HDAC9: variants seen among roughly 807,000 people sequenced by gnomAD.
The protein encoded by HDAC9 is histone deacetylase 9, also known as MEF-2 interacting transcription repressor (MITR) protein.
Under a neutral mutation model 139.4 loss-of-function variants are expected in HDAC9, and 41 were observed. The observed-to-expected ratio is 0.29, with a 90% CI of 0.23 to 0.38. The LOEUF is 0.38. HDAC9 is among the 10% of genes least tolerant of loss of function. HDAC9 has a pLI of 1.00. For missense variants in HDAC9, 1,147 were observed against 1,297.0 expected (o/e 0.88, Z 1.78); for synonymous variants, 517 against 476.2 (o/e 1.09, Z -1.12).
intron 6 of HDAC9, among the ~76,000 whole-genome samples, chr7:18,597,818 C>T (rs1256973035): frequency 1.3e-5 from 2 of 152,108 alleles, no homozygotes; most frequent in Non-Finnish European, 2.9e-5. Context: ...TCTTAAAGTG[C>T]ACAAGCCATG....
At chr7:18,218,225 C>T (rs1386440803) in intron 2 of HDAC9, among the ~76,000 whole-genome samples, 1 of 152,124 alleles carries the variant, frequency 6.6e-6, no homozygotes, top group Non-Finnish European at 1.5e-5. Flanking sequence ...GGGCGGATCA[C>T]TTGAGGCCAG....
At chr7:18,692,168 C>G (rs1267544481) in intron 12 of HDAC9, among the ~76,000 whole-genome samples, 2 of 152,056 alleles carry the variant, frequency 1.3e-5, no homozygotes, top group African/African-American at 4.8e-5. Context: ...CTTAAGAATA[C>G]TCAGAAGGAA....
At chr7:18,531,011 A>T (rs1479267409) in intron 2 of HDAC9, among the ~76,000 whole-genome samples, 1 of 151,960 alleles carries the variant, frequency 6.6e-6, no homozygotes, top group Admixed American at 6.6e-5. Flanking sequence ...TTTTACTCGT[A>T]TGCTTCTAGT....
chr7:18,180,226 T>C (rs2108517), intron 2 of HDAC9, among the ~76,000 whole-genome samples: 1,976 of 120,440 alleles, frequency 0.016, 59 homozygotes, highest in African/African-American at 0.038. Flanking sequence ...CCAAGACACA[T>C]ACACACACAC....
At chr7:18,528,367 T>C (rs112829221) in intron 2 of HDAC9, among the ~76,000 whole-genome samples, 2,722 of 151,810 alleles carry the variant, frequency 0.018, 98 homozygotes, top group African/African-American at 0.062. Flanking sequence ...ACAAATAACA[T>C]TTTATATAAG....
At chr7:18,480,275 G>A (rs1392334374) in intron 1 of HDAC9, among the ~76,000 whole-genome samples, 3 of 152,254 alleles carry the variant, frequency 2.0e-5, no homozygotes, top group African/African-American at 4.8e-5. Context: ...AGGATAACAT[G>A]CCCCAGATTA....
intron 22 of HDAC9, among the ~76,000 whole-genome samples, chr7:18,905,528 T>G (rs1802155305): frequency 6.6e-6 from 1 of 152,216 alleles, no homozygotes. Context: ...CTTAATAACT[T>G]TATGTTAAAG....
chr7:18,598,811 C>A (rs1040580586), intron 6 of HDAC9, among the ~76,000 whole-genome samples: 1 of 152,208 alleles, frequency 6.6e-6, no homozygotes, highest in African/African-American at 2.4e-5. Context: ...ATGGGCAACT[C>A]ACAAGGCTAC....
intron 22 of HDAC9, among the ~76,000 whole-genome samples, chr7:18,919,974 A>C (rs1375572818): frequency 6.6e-6 from 1 of 152,096 alleles, no homozygotes; most frequent in African/African-American, 2.4e-5. Flanking sequence ...TGACTTGGCA[A>C]TGCGGGCTCT....
At chr7:18,262,058 A>T (rs1795716971) in intron 2 of HDAC9, among the ~76,000 whole-genome samples, 2 of 152,340 alleles carry the variant, frequency 1.3e-5, no homozygotes, top group South Asian at 4.1e-4. Context: ...ATCAACAAGG[A>T]CCATTTGAAC....
At chr7:18,581,911 G>A (rs575664172) in intron 2 of HDAC9, among the ~76,000 whole-genome samples, 1 of 152,198 alleles carries the variant, frequency 6.6e-6, no homozygotes, top group African/African-American at 2.4e-5. Context: ...CCAAACTATA[G>A]TTCATTTATA....
intron 1 of HDAC9, among the ~76,000 whole-genome samples, chr7:18,376,158 G>A (rs1464739967): frequency 6.6e-6 from 1 of 152,020 alleles, no homozygotes; most frequent in Non-Finnish European, 1.5e-5. Context: ...AGAGATACAC[G>A]GAAGGCCACT....
At chr7:18,416,279 A>T (rs1789052981) in intron 1 of HDAC9, among the ~76,000 whole-genome samples, 1 of 152,084 alleles carries the variant, frequency 6.6e-6, no homozygotes, top group African/African-American at 2.4e-5. Flanking sequence ...CTGGGCAACA[A>T]GAGCAAAACT....
At chr7:18,529,377 TG>T (rs1206614363) in intron 2 of HDAC9, among the ~76,000 whole-genome samples, 1 of 152,056 alleles carries the variant, frequency 6.6e-6, no homozygotes, top group Admixed American at 6.6e-5. Flanking sequence ...CCAATAAAAA[TG>T]GGGAGGTATT....
At chr7:18,123,656 A>T (rs563825539) in intron 1 of HDAC9, among the ~76,000 whole-genome samples, 8 of 152,230 alleles carry the variant, frequency 5.3e-5, no homozygotes, top group African/African-American at 1.9e-4. Flanking sequence ...TTTCCCTAAG[A>T]TGTATCTTTG....
intron 12 of HDAC9, chr7:18,667,975 T>C: frequency 1.0e-6 from 1 of 970,030 alleles, no homozygotes; most frequent in Non-Finnish European, 1.2e-6. Flanking sequence ...TTAAAATATT[T>C]ATATTTCTAA....
intron 1 of HDAC9, among the ~76,000 whole-genome samples, chr7:18,478,715 T>C (rs1393379766): frequency 6.6e-6 from 1 of 152,208 alleles, no homozygotes; most frequent in Non-Finnish European, 1.5e-5. Context: ...CTAGCCCTCA[T>C]TAAATGAAAT....
At chr7:18,287,671 A>C (rs1283444706), upstream of HDAC9, among the ~76,000 whole-genome samples, 1 of 152,232 alleles carries the variant, frequency 6.6e-6, no homozygotes, top group African/African-American at 2.4e-5. Flanking sequence ...CATTCAGCGC[A>C]TTCCTGCCCT....
chr7:18,488,711 C>G (rs946086666), intron 1 of HDAC9, among the ~76,000 whole-genome samples: 1 of 151,968 alleles, frequency 6.6e-6, no homozygotes, highest in Admixed American at 6.6e-5. Context: ...AGCAGAGTTA[C>G]AAACACATTT....
Sources: allele counts gnomAD v4.1 joint callset (sites outside exome capture counted in the v4.1 genomes callset), GRCh38; gene constraint gnomAD v4.1.1; transcripts MANE v1.5; gene names NCBI Gene and HGNC (gene_info 2026-07-23, HGNC 2026-07-21).